The following NELL1 variants were observed in gnomAD, a reference collection of about 807,000 sequenced individuals.
NELL1 encodes the protein protein kinase C-binding protein NELL1.
Under a neutral mutation model 107.4 loss-of-function variants are expected in NELL1, and 76 were observed. The observed-to-expected ratio is 0.71, with a 90% CI of 0.59 to 0.86. The LOEUF (loss-of-function observed/expected upper bound fraction) is 0.86. Ranked by LOEUF, NELL1 falls within the 40% of genes least tolerant of loss-of-function variation. NELL1 has a pLI of 0.00. For synonymous variants in NELL1, 353 were observed against 341.2 expected (o/e 1.03, Z -0.38); for missense variants, 1,024 against 1,005.5 (o/e 1.02, Z -0.25).
chr11:20,685,000 T>TA (rs1428527527), intron 2 of NELL1, among the ~76,000 whole-genome samples: 1 of 152,072 alleles, frequency 6.6e-6, no homozygotes, highest in Non-Finnish European at 1.5e-5. Context: ...CACAGGTCAG[T>TA]ACTCAGCTGA....
intron 15 of NELL1, among the ~76,000 whole-genome samples, chr11:21,435,466 G>T (rs1853084654): frequency 1.4e-5 from 2 of 148,006 alleles, no homozygotes; most frequent in African/African-American, 2.5e-5. Flanking sequence ...ACCATGAAGA[G>T]ATGTTAGCTT....
chr11:20,768,673 G>A (rs1319031710), intron 2 of NELL1, among the ~76,000 whole-genome samples: 2 of 152,158 alleles, frequency 1.3e-5, no homozygotes, highest in Non-Finnish European at 1.5e-5. Flanking sequence ...CATGAGGATC[G>A]GATAGAAAAG....
chr11:21,256,155 G>A (rs1382205276), intron 14 of NELL1, among the ~76,000 whole-genome samples: 3 of 151,872 alleles, frequency 2.0e-5, no homozygotes, highest in African/African-American at 2.4e-5. Context: ...TGTCCAACAC[G>A]ACCATTCATG....
chr11:20,961,993 C>A (rs1016679390), intron 12 of NELL1, among the ~76,000 whole-genome samples: 2 of 151,942 alleles, frequency 1.3e-5, no homozygotes, highest in African/African-American at 4.8e-5. Flanking sequence ...GGAAGACTTT[C>A]TTTGTTACTA....
intron 14 of NELL1, among the ~76,000 whole-genome samples, chr11:21,322,264 G>C (rs1850028335): frequency 6.6e-6 from 1 of 152,092 alleles, no homozygotes; most frequent in Admixed American, 6.6e-5. Flanking sequence ...CTTGTCATTT[G>C]GGGAATGTAA....
chr11:20,844,645 C>G (rs557976489), intron 3 of NELL1, among the ~76,000 whole-genome samples: 3 of 152,110 alleles, frequency 2.0e-5, no homozygotes, highest in Non-Finnish European at 2.9e-5. Context: ...TTCACTTGCT[C>G]GTAGCGTCAG....
At chr11:20,777,642 T>G (rs1255367963) in intron 2 of NELL1, among the ~76,000 whole-genome samples, 1 of 152,230 alleles carries the variant, frequency 6.6e-6, no homozygotes, top group Admixed American at 6.5e-5. Flanking sequence ...CATTTCAAAT[T>G]AAGAAATGTT....
intron 12 of NELL1, among the ~76,000 whole-genome samples, chr11:21,069,259 G>A (rs1853954158): frequency 6.6e-6 from 1 of 152,100 alleles, no homozygotes; most frequent in African/African-American, 2.4e-5. Context: ...TGCACGTCCT[G>A]CACATGTACC....
intron 15 of NELL1, among the ~76,000 whole-genome samples, chr11:21,455,979 C>G (rs1332701291): frequency 3.3e-5 from 1 of 29,918 alleles, no homozygotes; most frequent in Non-Finnish European, 5.8e-5. Context: ...ACCTCTGCCT[C>G]CCAGGTCCAG....
rs78009036 is a variant in NELL1, at chr11:20,768,297, C to T, written c.185-15383C>T. On this transcript the variant is annotated intron_variant, in intron 2 of 19. Coordinates refer to ENST00000357134, the MANE Select transcript of NELL1 (RefSeq NM_006157.5). The stretch of plus-strand genomic sequence containing the variant: ...GAGTTGAATCCAGGCTGTTGTGCTC[C>T]GAAGCCCTTGTTCTTGAAACAGCCA... Among the ~76,000 whole-genome samples the T allele has an allele frequency of 9.6e-3, 1,459 of 152,254 alleles. 20 individuals are homozygous for T. The highest frequency in any genetic ancestry group is 0.033 in the African/African-American group (1,381 of 41,534).
chr11:21,407,172 T>A (rs972816040), intron 15 of NELL1, among the ~76,000 whole-genome samples: 11 of 152,046 alleles, frequency 7.2e-5, no homozygotes, highest in Non-Finnish European at 5.9e-5. Context: ...TCCCAGCACT[T>A]TGGGAGGCCA....
intron 3 of NELL1, among the ~76,000 whole-genome samples, chr11:20,837,783 AATG>A (rs1848560179): frequency 6.6e-6 from 1 of 152,166 alleles, no homozygotes; most frequent in Admixed American, 6.5e-5. Context: ...CAAAGTAAAA[AATG>A]ATAACCCATG....
chr11:20,730,297 A>T (rs931614079), intron 2 of NELL1, among the ~76,000 whole-genome samples: 1 of 152,202 alleles, frequency 6.6e-6, no homozygotes, highest in Non-Finnish European at 1.5e-5. Context: ...AGATCTTAAC[A>T]GTCCATGGAG....
intron 12 of NELL1, 76 bp from the exon 13 acceptor site, chr11:21,113,513 A>T: frequency 1.4e-6 from 2 of 1,431,678 alleles, no homozygotes; most frequent in Non-Finnish European, 9.6e-7. Context: ...TATCTTTTTT[A>T]ATTTATCTGC....
In NELL1 at chr11:21,492,613, G is replaced by T. The variant is rs1042379330; in HGVS notation, c.1646-41761G>T. ...CTTTGTAGGGACATGGATGAAACTG[G>T]AAATCATCATTCTCAGTAAACTATC... is the stretch of plus-strand genomic sequence containing the variant. On this transcript the variant is annotated intron_variant, in intron 15 of 19. Coordinates refer to ENST00000357134, the MANE Select transcript of NELL1 (RefSeq NM_006157.5). Among the ~76,000 whole-genome samples, 21 of 151,882 alleles carry T rather than the reference G, an allele frequency of 1.4e-4. No individual in the cohort carries two copies. In the East Asian group the frequency reaches 4.1e-3, roughly 30 times the overall value.
At chr11:20,728,582 A>AT (rs34838544) in intron 2 of NELL1, among the ~76,000 whole-genome samples, 129 of 144,366 alleles carry the variant, frequency 8.9e-4, no homozygotes, top group African/African-American at 1.3e-3. Context: ...TTCATTGCTT[A>AT]TTTTTTTTTT....
At chr11:21,166,143 A>T (rs1008052979) in intron 13 of NELL1, among the ~76,000 whole-genome samples, 1 of 151,692 alleles carries the variant, frequency 6.6e-6, no homozygotes, top group Non-Finnish European at 1.5e-5. Flanking sequence ...CAAACATGAC[A>T]TATTCTCACT....
intron 3 of NELL1, among the ~76,000 whole-genome samples, chr11:20,815,736 T>C (rs1857610240): frequency 6.6e-6 from 1 of 152,220 alleles, no homozygotes; most frequent in Non-Finnish European, 1.5e-5. Context: ...CCAAAGTCGA[T>C]GTCCAGAATG....
intron 17 of NELL1, among the ~76,000 whole-genome samples, chr11:21,565,998 A>AGGATTTTTTT (rs1252630554): frequency 1.3e-5 from 2 of 151,976 alleles, no homozygotes; most frequent in East Asian, 3.9e-4. Context: ...GGCATCAGCA[A>AGGATTTTTTT]GGTTTTTTTC....
Sources: allele counts gnomAD v4.1 joint callset (sites outside exome capture counted in the v4.1 genomes callset), GRCh38; gene constraint gnomAD v4.1.1; transcripts MANE v1.5; gene names NCBI Gene and HGNC (gene_info 2026-07-23, HGNC 2026-07-21).